The following PPP2R3A variants were observed in gnomAD, a reference collection of about 807,000 sequenced individuals.
PPP2R3A encodes the protein protein phosphatase 2 regulatory subunit B''alpha, also known as serine/threonine-protein phosphatase 2A regulatory subunit B'' subunit alpha.
Under a neutral mutation model 106.9 loss-of-function variants are expected in PPP2R3A, and 80 were observed. The observed-to-expected ratio is 0.75, with a 90% CI of 0.62 to 0.90. PPP2R3A has a LOEUF of 0.90. Among genes scored for constraint, PPP2R3A ranks in the 40% least tolerant of loss-of-function variants. The pLI, the probability that PPP2R3A is intolerant of heterozygous loss-of-function variation, is 0.00. For missense variants in PPP2R3A, 1,386 were observed against 1,350.4 expected, an observed-to-expected ratio of 1.03 and a Z score of -0.41; for synonymous variants, 483 against 468.3, an observed-to-expected ratio of 1.03 and a Z score of -0.41.
chr3:136,065,404 T>G (rs1166909312), intron 5 of PPP2R3A, among the ~76,000 whole-genome samples: 1 of 152,178 alleles, frequency 6.6e-6, no homozygotes, highest in Non-Finnish European at 1.5e-5. Flanking sequence ...AATGTTTGTT[T>G]ATATAAATGC....
At position 136,027,574 on chromosome 3, in the gene PPP2R3A, T is replaced by A. The variant is rs1934714441; in HGVS notation, c.2262+476T>A. 3.3e-5 allele frequency among the ~76,000 whole-genome samples: 5 copies of A among 152,128 alleles called. 1 individual carries two copies. Among genetic ancestry groups the A allele is most frequent in the Admixed American group, 3.3e-4 (5 of 15,272 alleles). ...GGAACTTTCAAATATATCCAACTGC[T>A]TCTGAGTTAAAATCTTATCCCCCTA... is the stretch of plus-strand genomic sequence containing the variant. On this transcript the variant is annotated intron_variant, in intron 3 of 13. Transcript: ENST00000264977.
At chr3:136,051,550 G>A (rs1248427479) in intron 5 of PPP2R3A, among the ~76,000 whole-genome samples, 4 of 152,130 alleles carry the variant, frequency 2.6e-5, no homozygotes, top group South Asian at 2.1e-4. Flanking sequence ...GGTTGGTCTC[G>A]AACTCCTGAC....
intron 8 of PPP2R3A, among the ~76,000 whole-genome samples, chr3:136,086,267 A>G (rs1936925718): frequency 6.6e-6 from 1 of 152,100 alleles, no homozygotes; most frequent in African/African-American, 2.4e-5. Context: ...GTGGATTACT[A>G]GGTCAGGAGT....
chr3:136,036,966 A>T (rs987386851), intron 3 of PPP2R3A, among the ~76,000 whole-genome samples: 1 of 152,222 alleles, frequency 6.6e-6, no homozygotes, highest in African/African-American at 2.4e-5. Context: ...TCCAGCACTT[A>T]CTGTTCATAT....
At chr3:136,068,272 C>G (rs1209989378) in intron 5 of PPP2R3A, among the ~76,000 whole-genome samples, 1 of 151,994 alleles carries the variant, frequency 6.6e-6, no homozygotes, top group African/African-American at 2.4e-5. Flanking sequence ...ATGGCCAAAG[C>G]TACATCAATT....
intron 2 of PPP2R3A, chr3:136,022,735 CT>C: frequency 9.2e-7 from 1 of 1,086,286 alleles, no homozygotes; most frequent in South Asian, 2.7e-5. Context: ...TGGGTGCTCC[CT>C]TTCCCAGAAG....
intron 2 of PPP2R3A, among the ~76,000 whole-genome samples, chr3:136,004,494 T>C (rs1933775414): frequency 6.6e-6 from 1 of 152,152 alleles, no homozygotes. Context: ...CTGTTCACAG[T>C]CCAGTGATTC....
intron 13 of PPP2R3A, among the ~76,000 whole-genome samples, chr3:136,136,057 A>T (rs1349667230): frequency 0.057 from 2,687 of 47,480 alleles, 257 homozygotes; most frequent in African/African-American, 0.12. Context: ...AAAAAAAAAA[A>T]AAAAAAAAAA....
intron 13 of PPP2R3A, among the ~76,000 whole-genome samples, chr3:136,110,438 T>C (rs1007986282): frequency 3.9e-5 from 6 of 151,928 alleles, no homozygotes. Context: ...AATAATAGAA[T>C]GGAAAAAACT....
intron 13 of PPP2R3A, among the ~76,000 whole-genome samples, chr3:136,128,752 G>T (rs1207881534): frequency 6.6e-6 from 1 of 152,040 alleles, no homozygotes; most frequent in African/African-American, 2.4e-5. Context: ...TTCCAAAATT[G>T]ACCACATAGT....
intron 5 of PPP2R3A, among the ~76,000 whole-genome samples, chr3:136,063,011 C>A (rs1444115344): frequency 6.6e-6 from 1 of 152,182 alleles, no homozygotes; most frequent in African/African-American, 2.4e-5. Context: ...CGCTACCTGA[C>A]TTCAAACTAT....
At chr3:135,990,905 G>A (rs1443826509) in intron 1 of PPP2R3A, among the ~76,000 whole-genome samples, 1 of 152,008 alleles carries the variant, frequency 6.6e-6, no homozygotes, top group East Asian at 1.9e-4. Context: ...ACCTCTCGGG[G>A]GCTTTCTGAT....
chr3:136,032,123 C>T (rs1380771210), intron 3 of PPP2R3A, among the ~76,000 whole-genome samples: 2 of 152,140 alleles, frequency 1.3e-5, no homozygotes, highest in African/African-American at 4.8e-5. Context: ...GTCATTTTCA[C>T]AATATTGATT....
At chr3:136,042,364 A>T (rs1000312894) in intron 4 of PPP2R3A, among the ~76,000 whole-genome samples, 8 of 152,158 alleles carry the variant, frequency 5.3e-5, no homozygotes, top group Admixed American at 3.9e-4. Context: ...AAGGGAGAGC[A>T]TTAGGAAAAA....
chr3:136,089,987 T>G (rs569548157), intron 9 of PPP2R3A, among the ~76,000 whole-genome samples: 7 of 152,334 alleles, frequency 4.6e-5, no homozygotes, highest in Non-Finnish European at 1.0e-4. Context: ...AAATTATTAT[T>G]AGTTCTGAAA....
At chr3:136,003,635 C>G (rs557144778) in intron 2 of PPP2R3A, 142 bp downstream of exon 2, 1 of 663,138 alleles carries the variant, frequency 1.5e-6, no homozygotes, top group East Asian at 3.0e-5. Flanking sequence ...TCACTCAGCT[C>G]AGAGTCAGTA....
intron 3 of PPP2R3A, among the ~76,000 whole-genome samples, chr3:136,040,023 T>C (rs1559883493): frequency 6.6e-6 from 1 of 152,230 alleles, no homozygotes; most frequent in South Asian, 2.1e-4. Flanking sequence ...ACCTGAATTA[T>C]AACCATTTAA....
chr3:136,026,813 A>T lies in PPP2R3A; in HGVS notation c.1996-19A>T. The stretch of plus-strand genomic sequence containing the variant: ...ACTGTTTAAATTTTTTGTGTCTCAT[A>T]ATCTTATTTTTCTTTTAGATTCAAA... On this transcript the variant is annotated intron_variant, in intron 2 of 13. Coordinates refer to ENST00000264977, the MANE Select transcript of PPP2R3A (RefSeq NM_002718.5). The T allele has an allele frequency of 6.3e-7, 1 of 1,581,244 alleles. No homozygotes were observed. Among genetic ancestry groups the T allele is most frequent in the Non-Finnish European group, 8.6e-7 (1 of 1,163,540 alleles).
chr3:136,139,112 A>G (rs1278265909), intron 13 of PPP2R3A, among the ~76,000 whole-genome samples: 2 of 152,158 alleles, frequency 1.3e-5, no homozygotes, highest in African/African-American at 2.4e-5. Flanking sequence ...GTCCCTGTAA[A>G]TAGTCAGAAT....
Sources: gnomAD v4.1 joint callset for allele counts (sites outside exome capture counted in the v4.1 genomes callset) on GRCh38, gnomAD v4.1.1 for gene constraint, MANE v1.5 for transcripts, NCBI Gene and HGNC (gene_info 2026-07-23, HGNC 2026-07-21) for gene names.